The following SHC3 variants were observed in gnomAD, a reference collection of about 807,000 sequenced individuals.
SHC3 encodes the protein SHC-transforming protein 3.
In SHC3, 15 loss-of-function variants were observed where a neutral mutation model predicts 60.4. That is an observed-to-expected ratio of 0.25 (90% confidence interval 0.17 to 0.38). The LOEUF is 0.38. Ranked by LOEUF, SHC3 falls within the 10% of genes least tolerant of loss-of-function variation. SHC3 has a pLI of 1.00. For missense variants in SHC3, 677 were observed against 786.1 expected (o/e 0.86, Z 1.66); for synonymous variants, 294 against 325.9 (o/e 0.90, Z 1.05).
chr9:89,024,400 C>G (rs1826253532), intron 11 of SHC3, among the ~76,000 whole-genome samples: 1 of 152,224 alleles, frequency 6.6e-6, no homozygotes, highest in Admixed American at 6.5e-5. Context: ...GCCTCAGCCT[C>G]CTGAGTAGCT....
intron 8 of SHC3, among the ~76,000 whole-genome samples, chr9:89,046,184 A>G (rs1824772396): frequency 6.6e-6 from 1 of 150,970 alleles, no homozygotes; most frequent in Non-Finnish European, 1.5e-5. Context: ...CTTCCCACAT[A>G]ACACATACGC....
intron 1 of SHC3, among the ~76,000 whole-genome samples, chr9:89,166,113 A>G (rs1826785554): frequency 6.6e-6 from 1 of 152,048 alleles, no homozygotes; most frequent in Admixed American, 6.6e-5. Flanking sequence ...AGATGGGCCC[A>G]CACACTCATG....
chr9:89,045,177 C>G (rs1475905058), intron 9 of SHC3, among the ~76,000 whole-genome samples: 2 of 152,040 alleles, frequency 1.3e-5, no homozygotes, highest in Non-Finnish European at 2.9e-5. Context: ...GGTGTACAGT[C>G]TCAAGGGCAT....
chr9:89,141,343 A>T (rs751129242), intron 1 of SHC3, among the ~76,000 whole-genome samples: 1 of 152,134 alleles, frequency 6.6e-6, no homozygotes, highest in Non-Finnish European at 1.5e-5. Flanking sequence ...TCTTTATGAC[A>T]GAACAATACA....
rs1006328035 is a variant in SHC3, at chr9:89,099,420, C to G, written c.545+13136G>C. ...CAGAATTGTTCACGTTTGTGCTTTT[C>G]TATGGAATATCATCCTCTGAGCCAT... is the stretch of plus-strand genomic sequence containing the variant. On this transcript the variant is annotated intron_variant, in intron 2 of 11. Coordinates refer to ENST00000375835, the MANE Select transcript of SHC3 (RefSeq NM_016848.6). 1.1e-4 allele frequency among the ~76,000 whole-genome samples: 16 copies of G among 152,356 alleles called. 1 individual carries two copies. The highest frequency in any genetic ancestry group is 6.8e-3 in the Middle Eastern group (2 of 294).
intron 11 of SHC3, among the ~76,000 whole-genome samples, chr9:89,014,383 A>G (rs1379842481): frequency 6.6e-6 from 1 of 152,106 alleles, no homozygotes; most frequent in African/African-American, 2.4e-5. Flanking sequence ...GCCTGTCAGG[A>G]GCAATTTTTC....
At chr9:89,026,254 C>CAAAAAAAAAAAAA (rs67891062) in intron 11 of SHC3, among the ~76,000 whole-genome samples, 1 of 102,154 alleles carries the variant, frequency 9.8e-6, no homozygotes, top group African/African-American at 3.8e-5. Flanking sequence ...AACTACATCT[C>CAAAAAAAAAAAAA]AAAAAAAAAA....
chr9:89,018,549 T>C (rs777712667), intron 11 of SHC3, among the ~76,000 whole-genome samples: 2 of 152,102 alleles, frequency 1.3e-5, no homozygotes, highest in Non-Finnish European at 2.9e-5. Flanking sequence ...GATGGGTTGA[T>C]GAGCACAGCA....
chr9:89,036,450 A>G (rs1824578894), intron 11 of SHC3, among the ~76,000 whole-genome samples: 1 of 152,164 alleles, frequency 6.6e-6, no homozygotes, highest in Admixed American at 6.5e-5. Flanking sequence ...GGGAAATTCA[A>G]TGTACGTGTA....
intron 7 of SHC3, among the ~76,000 whole-genome samples, chr9:89,048,337 G>C (rs1207758604): frequency 6.6e-6 from 1 of 150,402 alleles, no homozygotes; most frequent in Admixed American, 6.6e-5. Flanking sequence ...ATATTATTAA[G>C]AACTCTAAAA....
chr9:89,068,688 T>C (rs1825221749), intron 5 of SHC3, among the ~76,000 whole-genome samples: 1 of 150,490 alleles, frequency 6.6e-6, no homozygotes, highest in Non-Finnish European at 1.5e-5. Flanking sequence ...TAAGATGTGA[T>C]GAGGAAATCT....
At chr9:89,149,971 C>G (rs1826522412) in intron 1 of SHC3, among the ~76,000 whole-genome samples, 1 of 152,094 alleles carries the variant, frequency 6.6e-6, no homozygotes. Context: ...AGTAACAATC[C>G]CAGTTATCAG....
chr9:89,063,993 G>C (rs999554110), intron 6 of SHC3, among the ~76,000 whole-genome samples: 1 of 152,202 alleles, frequency 6.6e-6, no homozygotes, highest in Non-Finnish European at 1.5e-5. Flanking sequence ...CAGCAGACTT[G>C]ATGTCTACTG....
intron 1 of SHC3, among the ~76,000 whole-genome samples, chr9:89,169,144 C>A (rs1826833285): frequency 6.6e-6 from 1 of 152,152 alleles, no homozygotes; most frequent in Non-Finnish European, 1.5e-5. Context: ...CTGACTAATA[C>A]TATTAAAAAC....
intron 6 of SHC3, among the ~76,000 whole-genome samples, chr9:89,063,286 C>T (rs766581144): frequency 2.0e-4 from 31 of 152,296 alleles, no homozygotes; most frequent in Non-Finnish European, 3.1e-4. Flanking sequence ...TGCACCACCA[C>T]GCCCAGCTAA....
chr9:89,090,189 A>G (rs538045105), intron 2 of SHC3, among the ~76,000 whole-genome samples: 62 of 152,084 alleles, frequency 4.1e-4, no homozygotes, highest in Non-Finnish European at 1.5e-4. Flanking sequence ...TTTTATCTCC[A>G]CCCATTTCTC....
At chr9:89,135,913 A>G (rs1587746631) in intron 1 of SHC3, among the ~76,000 whole-genome samples, 1 of 152,078 alleles carries the variant, frequency 6.6e-6, no homozygotes, top group East Asian at 1.9e-4. Flanking sequence ...AATTTTGCTT[A>G]TTTTGCTTTA....
In SHC3 at chr9:89,012,052, G is replaced by C. The variant is rs1249892983; in HGVS notation, c.*1395C>G. 1 of 152,156 alleles carries C rather than the reference G, an allele frequency of 6.6e-6. No homozygotes were observed. Among genetic ancestry groups the C allele is most frequent in the East Asian group, 1.9e-4 (1 of 5,190 alleles). The allele number at this position is 152,156 out of a possible 1,614,324, so 9.4% of individuals were successfully genotyped here. On this transcript the variant is annotated 3_prime_UTR_variant, in exon 12 of 12. Transcript: ENST00000375835. ...CTAAGCGTGTTTAGTGTGTCTTTCT[G>C]TTCTGCTGACCCATACCCTACAGGG...
At chr9:89,112,113 G>A (rs1417504200) in intron 2 of SHC3, among the ~76,000 whole-genome samples, 1 of 152,292 alleles carries the variant, frequency 6.6e-6, no homozygotes, top group South Asian at 2.1e-4. Context: ...CTTGCTGAAT[G>A]ACCTACTCCC....
Sources: allele counts gnomAD v4.1 joint callset (sites outside exome capture counted in the v4.1 genomes callset), GRCh38; gene constraint gnomAD v4.1.1; transcripts MANE v1.5; gene names NCBI Gene and HGNC (gene_info 2026-07-23, HGNC 2026-07-21).